Variants in AKNA observed in about 807,000 individuals in gnomAD.
AKNA encodes microtubule organization protein AKNA.
Under a neutral mutation model 138.8 loss-of-function variants are expected in AKNA, and 67 were observed. The observed-to-expected ratio is 0.48, with a 90% CI of 0.40 to 0.59. AKNA has a LOEUF of 0.59. AKNA is among the 20% of genes least tolerant of loss of function. The pLI, the probability that AKNA is intolerant of heterozygous loss-of-function variation, is 0.00. For synonymous variants in AKNA, 737 were observed against 754.4 expected (o/e 0.98, Z 0.38); for missense variants, 1,813 against 1,880.4 (o/e 0.96, Z 0.66).
chr9:114,372,965 G>GGT lies in AKNA; in HGVS notation c.1416+1127_1416+1128insAC, dbSNP rs1554842051. On this transcript the variant is annotated intron_variant, in intron 4 of 21. Transcript: ENST00000374088. ...CAGGCAGCAGGTGTGGGGACGCAGC[G>GGT]GGGGGGGGGGGGGTCCTGGTCCTAG... 5.7e-5 allele frequency among the ~76,000 whole-genome samples: 3 copies of GGT among 53,046 alleles called. 1 individual carries two copies. The highest frequency in any genetic ancestry group is 1.1e-4 in the Non-Finnish European group (3 of 26,566). 34.8% of individuals were successfully genotyped at this position (53,046 alleles called of 152,430 possible). A position where few individuals can be genotyped will look rare whatever the true frequency, so the allele number is the denominator to read the frequency against.
rs1833651105 is a variant in AKNA at position 114,381,276 on chromosome 9, G to A, written c.58C>T (p.Gln20Ter). 9 of 1,612,448 alleles carry A rather than the reference G, an allele frequency of 5.6e-6. No homozygotes were observed. The highest frequency in any genetic ancestry group is 6.8e-6 in the Non-Finnish European group (8 of 1,179,252). The change falls in exon 2 of 22, where the codon CAG (glutamine) becomes TAG (stop). Residue 20 changes from glutamine (Q) to a stop codon, truncating the protein, a stop_gained. Transcript: ENST00000374088. LOFTEE classifies it high-confidence loss of function. Reference protein sequence around the residue: ...WAEPGLGKGPQRRRWAWAEDK... With the variant: ...WAEPGLGKGP ...TCGGCCCAGGCCCAGCGCCGCCGCT[G>A]GGGGCCCTTCCCCAGGCCAGGCTCA...
chr9:114,348,785 G>A (rs1026687851), intron 15 of AKNA: 6 of 448,734 alleles, frequency 1.3e-5, no homozygotes, highest in African/African-American at 6.0e-5. Flanking sequence ...ACGGAGCAGC[G>A]TTAGAGCCAG....
Position 114,336,280 on chromosome 9 carries a change from C to T in AKNA, c.*774G>A, listed in dbSNP as rs768055622. ...CCAGAAATGCAGAGGTATGCTGCTG[C>T]CACGGGGTAGGGGTGCGGGAGGCGG... On this transcript the variant is annotated 3_prime_UTR_variant, in exon 22 of 22. Transcript: ENST00000374088. 1 of 152,638 alleles carries T rather than the reference C, an allele frequency of 6.6e-6. No individual in the cohort carries two copies. The highest frequency in any genetic ancestry group is 1.5e-5 in the Non-Finnish European group (1 of 68,042). 9.5% of individuals were successfully genotyped at this position (152,638 alleles called of 1,614,324 possible).
At chr9:114,375,856 G>C (rs984239984) in intron 3 of AKNA, 4 of 389,494 alleles carry the variant, frequency 1.0e-5, no homozygotes, top group Non-Finnish European at 2.1e-5. Flanking sequence ...ACAATCACTG[G>C]TCTTTTTGAG....
intron 15 of AKNA, 24 bp downstream of exon 15, chr9:114,350,835 C>T (rs372517845): frequency 3.3e-6 from 5 of 1,523,456 alleles, no homozygotes; most frequent in Non-Finnish European, 3.5e-6. Context: ...GCTTGAATCC[C>T]CAGGATCCAA....
chr9:114,356,516 T>G (rs548918366), intron 13 of AKNA, among the ~76,000 whole-genome samples: 2 of 152,284 alleles, frequency 1.3e-5, no homozygotes, highest in African/African-American at 4.8e-5. Flanking sequence ...TCCCTTCCCT[T>G]TGGGTTCCAT....
In AKNA at chr9:114,336,684, C is replaced by G. The variant is rs1830011170; in HGVS notation, c.*370G>C. 1 of 209,984 alleles carries G rather than the reference C, an allele frequency of 4.8e-6. No individual in the cohort carries two copies. Among genetic ancestry groups the G allele is most frequent in the African/African-American group, 2.3e-5 (1 of 43,824 alleles). 13.0% of individuals were successfully genotyped at this position (209,984 alleles called of 1,614,324 possible). On this transcript the variant is annotated 3_prime_UTR_variant, in exon 22 of 22. Transcript: ENST00000374088. Reference sequence around the variant, plus strand: ...TGGCCCCCTAAAGAGGACCCAAGATCAGGAAAACTCCCCAGTTTAAAAAAA... The same window carrying G: ...TGGCCCCCTAAAGAGGACCCAAGATGAGGAAAACTCCCCAGTTTAAAAAAA...
rs1208668573 is a variant in AKNA at position 114,387,867 on chromosome 9, G to T, written c.-121C>A. The T allele has an allele frequency of 2.2e-6, 1 of 454,260 alleles. No individual in the cohort carries two copies. Among genetic ancestry groups the T allele is most frequent in the Non-Finnish European group, 4.4e-6 (1 of 225,704 alleles). 28.1% of individuals were successfully genotyped at this position (454,260 alleles called of 1,614,324 possible). On this transcript the variant is annotated 5_prime_UTR_variant, in exon 1 of 22. Transcript: ENST00000374088. ...TCCGTTCCAATCCCTTACCTCTCTCGGGCTCCACCACCGTCCTGCCGACCC... is the reference window on the plus strand; with the variant it reads ...TCCGTTCCAATCCCTTACCTCTCTCTGGCTCCACCACCGTCCTGCCGACCC...
chr9:114,330,934 T>G, downstream of AKNA: 1 of 1,265,476 alleles, frequency 7.9e-7, no homozygotes, highest in Middle Eastern at 2.0e-4. Context: ...GGGGGCTGGA[T>G]GTAGAGCCCT....
At chr9:114,373,520 A>G (rs1274344318) in intron 4 of AKNA, among the ~76,000 whole-genome samples, 2 of 152,144 alleles carry the variant, frequency 1.3e-5, no homozygotes, top group East Asian at 1.9e-4. Context: ...CTGGTTAGCA[A>G]TGGAGCCAGG....
chr9:114,395,853 A>G (rs1330581839), upstream of AKNA, among the ~76,000 whole-genome samples: 2 of 151,834 alleles, frequency 1.3e-5, no homozygotes, highest in Non-Finnish European at 2.9e-5. Flanking sequence ...AGCTATTGAT[A>G]TCACTGAATG....
At chr9:114,384,387 G>A (rs1400108974) in intron 1 of AKNA, among the ~76,000 whole-genome samples, 2 of 152,180 alleles carry the variant, frequency 1.3e-5, no homozygotes, top group African/African-American at 2.4e-5. Flanking sequence ...CTTGGGCAAC[G>A]TGGCAAAAGC....
chr9:114,364,593 C>T lies in AKNA; in HGVS notation c.1755G>A (p.Gln585=), dbSNP rs1832205412. Reference sequence around the variant, plus strand: ...GGTCCTGGGGCATGAGACGTCCTGCCTGTATCAGTCTTTCAAAGGACTCCA... The same window carrying T: ...GGTCCTGGGGCATGAGACGTCCTGCTTGTATCAGTCTTTCAAAGGACTCCA... The part of the protein sequence containing the change: ...AKVESFERLI[Q]AGRLMPQDQV... The change falls in exon 7 of 22, where the codon CAG becomes CAA. Residue 585 remains glutamine (Q), a synonymous_variant. Coordinates refer to ENST00000374088, the MANE Select transcript of AKNA (RefSeq NM_001317950.2). The T allele has an allele frequency of 6.2e-7, 1 of 1,613,962 alleles. No individual in the cohort carries two copies. Among genetic ancestry groups the T allele is most frequent in the Admixed American group, 1.7e-5 (1 of 60,030 alleles).
At chr9:114,386,164 C>T (rs1212869465) in intron 1 of AKNA, among the ~76,000 whole-genome samples, 6 of 152,154 alleles carry the variant, frequency 3.9e-5, no homozygotes, top group Non-Finnish European at 7.3e-5. Flanking sequence ...ACCCAGTGGG[C>T]GCAAATTAAC....
upstream of AKNA, among the ~76,000 whole-genome samples, chr9:114,389,004 C>T (rs967191874): frequency 2.5e-4 from 38 of 151,976 alleles, no homozygotes; most frequent in African/African-American, 8.4e-4. Context: ...ACACATGGGG[C>T]CAAGAGTAAT....
At chr9:114,351,649 CAAA>C (rs35449353) in intron 14 of AKNA, among the ~76,000 whole-genome samples, 15,088 of 136,808 alleles carry the variant, frequency 0.11, 2,476 homozygotes, top group African/African-American at 0.36. Context: ...CCCATCTTTG[CAAA>C]AAAAAAAAAA....
intron 14 of AKNA, among the ~76,000 whole-genome samples, chr9:114,351,285 G>T (rs1219485323): frequency 1.3e-5 from 2 of 152,084 alleles, no homozygotes. Context: ...CACCATCCGA[G>T]TCTTCAGGAA....
chr9:114,350,054 A>G (rs1175029938), intron 15 of AKNA, among the ~76,000 whole-genome samples: 1 of 152,142 alleles, frequency 6.6e-6, no homozygotes, highest in Admixed American at 6.5e-5. Context: ...TTGTCTGTTC[A>G]TCCTACAAGA....
In AKNA at chr9:114,393,214, T is replaced by C. The variant is rs1338687762; in HGVS notation, c.-114+1143A>G. ...CTGTTTGAATCTGGACAGTATAATCTTTTTTTTTTTTTTTTTTTGGAGATG... is the reference window on the plus strand; with the variant it reads ...CTGTTTGAATCTGGACAGTATAATCCTTTTTTTTTTTTTTTTTTGGAGATG... On this transcript the variant is annotated intron_variant, in intron 1 of 21. Coordinates refer to the AKNA transcript ENST00000307564. 3.7e-5 allele frequency among the ~76,000 whole-genome samples: 5 copies of C among 135,522 alleles called. No homozygotes were observed. The East Asian group carries it at 8.4e-4, about 23-fold the overall frequency. 88.9% of individuals were successfully genotyped at this position (135,522 alleles called of 152,430 possible).
Sources: allele counts gnomAD v4.1 joint callset (sites outside exome capture counted in the v4.1 genomes callset), GRCh38; gene constraint gnomAD v4.1.1; transcripts MANE v1.5; gene names NCBI Gene and HGNC (gene_info 2026-07-23, HGNC 2026-07-21).